Variants in ZNF609 observed in about 807,000 individuals in gnomAD.
ZNF609 encodes the protein zinc finger protein 609.
In ZNF609, 11 loss-of-function variants were observed where a neutral mutation model predicts 109.5. That is an observed-to-expected ratio of 0.10 (90% CI 0.06 to 0.17). ZNF609 has a LOEUF of 0.17. ZNF609 is among the 10% of genes least tolerant of loss of function. The probability of loss-of-function intolerance (pLI) is 1.00; values close to 1 mark genes in which losing one functional copy is unlikely to be tolerated. For synonymous variants in ZNF609, 646 were observed against 662.0 expected, an observed-to-expected ratio of 0.98 and a Z score of 0.37; for missense variants, 1,559 against 1,772.4, an observed-to-expected ratio of 0.88 and a Z score of 2.16.
intron 3 of ZNF609, among the ~76,000 whole-genome samples, chr15:64,653,514 C>T (rs543489893): frequency 1.3e-5 from 2 of 152,184 alleles, no homozygotes; most frequent in South Asian, 4.1e-4. Flanking sequence ...GGTGTGGCGG[C>T]GTGCGCCTGT....
intron 2 of ZNF609, among the ~76,000 whole-genome samples, chr15:64,576,908 GTATA>G (rs1567018938): frequency 8.4e-6 from 1 of 118,968 alleles, no homozygotes; most frequent in African/African-American, 3.0e-5. Context: ...ACATATATAT[GTATA>G]TATACATATA....
intron 3 of ZNF609, chr15:64,631,724 A>G (rs908690649): frequency 6.5e-5 from 14 of 213,916 alleles, no homozygotes; most frequent in Admixed American, 1.8e-4. Flanking sequence ...TTTTTTTTTT[A>G]GTAGAGACGG....
chr15:64,484,901 G>A (rs927611572), intron 1 of ZNF609, among the ~76,000 whole-genome samples: 3 of 152,096 alleles, frequency 2.0e-5, no homozygotes, highest in Non-Finnish European at 4.4e-5. Flanking sequence ...TTGAACCCGG[G>A]AGGCGGAGGT....
In ZNF609 at chr15:64,681,333, C is replaced by T. The variant is rs2083206519; in HGVS notation, c.4187C>T (p.Ala1396Val). 1.9e-6 allele frequency: 3 copies of T among 1,613,908 alleles called. No individual in the cohort carries two copies. Reference sequence around the variant, plus strand: ...GGGCTTTCTTCTACAGCCATTGTTGCCAGCCAACAAGGCTCAACTCCCTCA... The same window carrying T: ...GGGCTTTCTTCTACAGCCATTGTTGTCAGCCAACAAGGCTCAACTCCCTCA... ...AAGLSSTAIV[A>V]SQQGSTPSLY... Residue 1396 changes from alanine (A) to valine (V), a missense_variant, in exon 9 of 10, where the codon GCC (alanine) becomes GTC (valine). By Grantham distance (64) the Ala-to-Val change is moderately conservative. Around this residue, in one of 4 missense-constraint regions of ZNF609, gnomAD observed 1,204 missense variants for 1,314.1 expected, o/e 0.92. Coordinates refer to ENST00000326648, the MANE Select transcript of ZNF609 (RefSeq NM_015042.2).
chr15:64,566,902 A>T (rs1697889739), intron 2 of ZNF609, among the ~76,000 whole-genome samples: 1 of 152,124 alleles, frequency 6.6e-6, no homozygotes, highest in Non-Finnish European at 1.5e-5. Flanking sequence ...TCTTAGTGTC[A>T]CTCAGAGGTG....
At chr15:64,531,440 A>C (rs1016184407) in intron 2 of ZNF609, among the ~76,000 whole-genome samples, 1 of 152,188 alleles carries the variant, frequency 6.6e-6, no homozygotes, top group Non-Finnish European at 1.5e-5. Context: ...TCTGTCACCC[A>C]GGCTGCAGTG....
At chr15:64,671,263 G>T (rs897158833) in intron 4 of ZNF609, 1 of 151,278 alleles carries the variant, frequency 6.6e-6, no homozygotes, top group Admixed American at 6.6e-5. Flanking sequence ...TGTTCAGCGG[G>T]TGCTCACTTC....
At chr15:64,509,950 T>C (rs1893696483) in intron 2 of ZNF609, among the ~76,000 whole-genome samples, 1 of 152,168 alleles carries the variant, frequency 6.6e-6, no homozygotes, top group Non-Finnish European at 1.5e-5. Context: ...AACCTTATCC[T>C]TGTTTTTGCT....
chr15:64,625,936 TAG>T (rs36226491), intron 3 of ZNF609, among the ~76,000 whole-genome samples: 1,132 of 79,426 alleles, frequency 0.014, 33 homozygotes, highest in African/African-American at 0.069. Context: ...TATATATATA[TAG>T]AGAGAGAGAG....
At chr15:64,473,847 T>C (rs1893127576) in intron 1 of ZNF609, among the ~76,000 whole-genome samples, 1 of 152,122 alleles carries the variant, frequency 6.6e-6, no homozygotes, top group African/African-American at 2.4e-5. Context: ...TGATCTCGGC[T>C]CACTGCAACC....
chr15:64,528,616 A>C, intron 2 of ZNF609: 21 of 747,860 alleles, frequency 2.8e-5, no homozygotes, highest in Non-Finnish European at 4.4e-5. Context: ...CCCAGCAGTA[A>C]GAGCTTCTGT....
chr15:64,666,877 C>G (rs1896656435), intron 3 of ZNF609, among the ~76,000 whole-genome samples: 1 of 151,840 alleles, frequency 6.6e-6, no homozygotes, highest in African/African-American at 2.4e-5. Flanking sequence ...CCTGTAATCC[C>G]AGCACTTTGG....
chr15:64,463,436 G>A (rs1307232758), intron 1 of ZNF609, among the ~76,000 whole-genome samples: 1 of 151,808 alleles, frequency 6.6e-6, no homozygotes, highest in East Asian at 1.9e-4. Flanking sequence ...CTGGAAAAGA[G>A]GTTTCCATTT....
At chr15:64,557,077 T>C (rs1894600967) in intron 2 of ZNF609, among the ~76,000 whole-genome samples, 1 of 152,178 alleles carries the variant, frequency 6.6e-6, no homozygotes, top group African/African-American at 2.4e-5. Flanking sequence ...GTTTTGGAGA[T>C]AGCACAGACT....
intron 3 of ZNF609, among the ~76,000 whole-genome samples, chr15:64,664,126 G>A (rs563213693): frequency 6.6e-6 from 1 of 152,254 alleles, no homozygotes; most frequent in East Asian, 1.9e-4. Context: ...TGCTTGGGAG[G>A]CTGAGGCAGG....
At chr15:64,660,880 G>A (rs1332269485) in intron 3 of ZNF609, among the ~76,000 whole-genome samples, 1 of 152,122 alleles carries the variant, frequency 6.6e-6, no homozygotes, top group Non-Finnish European at 1.5e-5. Flanking sequence ...TTATAAAATA[G>A]CAGCATCACC....
intron 2 of ZNF609, among the ~76,000 whole-genome samples, chr15:64,539,914 G>T (rs576074599): frequency 6.6e-6 from 1 of 152,142 alleles, no homozygotes; most frequent in Non-Finnish European, 1.5e-5. Flanking sequence ...TGGGATTACG[G>T]GCCTGAGCCA....
At chr15:64,616,804 C>T (rs1397500468) in intron 2 of ZNF609, among the ~76,000 whole-genome samples, 1 of 139,206 alleles carries the variant, frequency 7.2e-6, no homozygotes, top group Non-Finnish European at 1.5e-5. Context: ...CAGGTGTGAG[C>T]CACCATGCTT....
intron 2 of ZNF609, among the ~76,000 whole-genome samples, chr15:64,619,700 T>C (rs1451308418): frequency 6.6e-6 from 1 of 152,250 alleles, no homozygotes; most frequent in Non-Finnish European, 1.5e-5. Flanking sequence ...GTAAGGGTAG[T>C]TTGATGCATA....
Sources: gnomAD v4.1 joint callset for allele counts (sites outside exome capture counted in the v4.1 genomes callset) on GRCh38, gnomAD v4.1.1 for gene constraint, gnomAD v4.1.1 regional missense constraint, MANE v1.5 for transcripts, NCBI Gene and HGNC (gene_info 2026-07-23, HGNC 2026-07-21) for gene names.